Variants in NLGN2 observed in about 807,000 individuals in gnomAD.
NLGN2 encodes the protein neuroligin-2.
A neutral mutation model predicts 48.6 loss-of-function variants in NLGN2; 11 were observed. The observed-to-expected ratio is 0.23, with a 90% confidence interval of 0.14 to 0.37. The LOEUF (loss-of-function observed/expected upper bound fraction) is 0.37, where lower values mean the gene tolerates loss of function less well. Among genes scored for constraint, NLGN2 ranks in the 10% least tolerant of loss-of-function variants. The pLI is 1.00. For synonymous variants in NLGN2, 548 were observed against 550.0 expected (o/e 1.00, Z 0.05); for missense variants, 801 against 1,225.2 (o/e 0.65, Z 5.17).
At chr17:7,415,489 G>A (rs1264490027) in intron 5 of NLGN2, 22 bp from the exon 6 acceptor site, 3 of 1,609,832 alleles carry the variant, frequency 1.9e-6, no homozygotes, top group East Asian at 2.2e-5. Context: ...CAGGTGGTGA[G>A]ACCCTGACCC....
Position 7,418,770 on chromosome 17 carries a change from A to T in NLGN2, c.*971A>T, listed in dbSNP as rs1232380056. On this transcript the variant is annotated 3_prime_UTR_variant, in exon 7 of 7. Transcript: ENST00000302926. Reference sequence around the variant, plus strand: ...CCGAGTTGGGGGGAGGGGGTGTGGCAACGTGCCCCCCGCAGAGGCCACGCA... The same window carrying T: ...CCGAGTTGGGGGGAGGGGGTGTGGCTACGTGCCCCCCGCAGAGGCCACGCA... The T allele has an allele frequency of 6.6e-6, 1 of 152,446 alleles. No homozygotes were observed. The highest frequency in any genetic ancestry group is 1.5e-5 in the Non-Finnish European group (1 of 68,144). 9.4% of individuals were successfully genotyped at this position (152,446 alleles called of 1,614,324 possible). A position where few individuals can be genotyped will look rare whatever the true frequency, so the allele number is the denominator to read the frequency against.
chr17:7,405,840 C>A (rs1475443626), upstream of NLGN2, among the ~76,000 whole-genome samples: 1 of 152,198 alleles, frequency 6.6e-6, no homozygotes, highest in African/African-American at 2.4e-5. The surrounding 1 kb of genome is among the most constrained non-coding windows in gnomAD (Gnocchi z 6.8). Context: ...TCCCATCTCC[C>A]CCTCCCCCTC....
chr17:7,415,964 T>C lies in NLGN2; in HGVS notation c.1491T>C (p.Asp497=). The C allele has an allele frequency of 6.2e-7, 1 of 1,614,206 alleles. No individual in the cohort carries two copies. Among genetic ancestry groups the C allele is most frequent in the Non-Finnish European group, 8.5e-7 (1 of 1,180,046 alleles). ...CGGAGGGCCGGCCTGAGTGGGCAGA[T>C]GCGGCGCACGGGGATGAACTGCCCT... is the stretch of plus-strand genomic sequence containing the variant. ...CQAEGRPEWA[D]AAHGDELPYV... Residue 497 remains aspartate (D), a synonymous_variant, in exon 6 of 7, where the codon GAT becomes GAC. Transcript: ENST00000302926.
chr17:7,411,224 G>C lies in NLGN2; in HGVS notation c.458-933G>C, dbSNP rs74702014. ...TGTGGACTGAACCACCCGCTCGGCC[G>C]TTGGGGAAGGGGTGCTTTTTGGCAG... On this transcript the variant is annotated intron_variant, in intron 1 of 6. Coordinates refer to ENST00000302926, the MANE Select transcript of NLGN2 (RefSeq NM_020795.4). The surrounding 1 kb of genome is among the most constrained non-coding windows in gnomAD (Gnocchi z 4.5). Among the ~76,000 whole-genome samples the C allele has an allele frequency of 6.6e-6, 1 of 152,222 alleles. No individual in the cohort carries two copies. The highest frequency in any genetic ancestry group is 1.5e-5 in the Non-Finnish European group (1 of 68,042).
At chr17:7,405,429 T>A (rs1906592804), upstream of NLGN2, 2 of 151,918 alleles carry the variant, frequency 1.3e-5, no homozygotes, top group South Asian at 4.1e-4. The surrounding 1 kb of genome is among the most constrained non-coding windows in gnomAD (Gnocchi z 6.8). Flanking sequence ...GGGGATCGAC[T>A]GGATCCCGGC....
upstream of NLGN2, among the ~76,000 whole-genome samples, chr17:7,407,178 G>T (rs75715316): frequency 0.039 from 5,932 of 151,992 alleles, 186 homozygotes; most frequent in Admixed American, 0.11. Context: ...GCCCCTTCCC[G>T]TCTTCCTCCA....
Position 7,416,167 on chromosome 17 carries a change from C to A in NLGN2, c.1634+60C>A, listed in dbSNP as rs369236507. The A allele has an allele frequency of 1.1e-5, 15 of 1,385,234 alleles. No homozygotes were observed. The African/African-American group carries it at 1.8e-4, about 17-fold the overall frequency. The allele number at this position is 1,385,234 out of a possible 1,614,324, so 85.8% of individuals were successfully genotyped here. A position where few individuals can be genotyped will look rare whatever the true frequency, so the allele number is the denominator to read the frequency against. On this transcript the variant is annotated intron_variant, in intron 6 of 6. Transcript: ENST00000302926. ...GGCCCTCCCTCCTTCACATGGCCGCCGTTCCTCTGTTAAGGCACTCACTCT... is the reference window on the plus strand; with the variant it reads ...GGCCCTCCCTCCTTCACATGGCCGCAGTTCCTCTGTTAAGGCACTCACTCT...
At position 7,414,454 on chromosome 17, in the gene NLGN2, G is replaced by A. The variant is rs1257863870; in HGVS notation, c.619G>A (p.Val207Ile). Residue 207 changes from valine (V) to isoleucine (I), a missense_variant, in exon 3 of 7, where the codon GTC becomes ATC. Coordinates refer to ENST00000302926, the MANE Select transcript of NLGN2 (RefSeq NM_020795.4). The part of the protein sequence containing the change: ...DGSVLAAYGN[V>I]IVATLNYRLG... ...CTCAGTCCTGGCTGCCTATGGCAAC[G>A]TCATTGTAGCCACGCTCAACTACCG... 3 of 1,614,030 alleles carry A rather than the reference G, an allele frequency of 1.9e-6. No individual in the cohort carries two copies. Among genetic ancestry groups the A allele is most frequent in the African/African-American group, 1.3e-5 (1 of 74,912 alleles).
At position 7,408,002 on chromosome 17, in the gene NLGN2, C is replaced by A; in HGVS notation, c.-254C>A. 2.9e-6 allele frequency: 1 copy of A among 340,490 alleles called. No individual in the cohort carries two copies. Among genetic ancestry groups the A allele is most frequent in the Non-Finnish European group, 5.3e-6 (1 of 189,266 alleles). The allele number at this position is 340,490 out of a possible 1,614,324, so 21.1% of individuals were successfully genotyped here. ...CTGCCTCCCTGCCCCTCTCGCTCCA[C>A]CCCCCGCAGGTCGGGCCTGCCTTCA... is the stretch of plus-strand genomic sequence containing the variant. On this transcript the variant is annotated 5_prime_UTR_variant, in exon 1 of 7. Transcript: ENST00000302926. The surrounding 1 kb of genome is among the most constrained non-coding windows in gnomAD (Gnocchi z 7.5).
intron 1 of NLGN2, among the ~76,000 whole-genome samples, chr17:7,409,335 G>A (rs928474652): frequency 6.6e-6 from 1 of 152,032 alleles, no homozygotes; most frequent in Non-Finnish European, 1.5e-5. Context: ...CTTGCTGAGG[G>A]CCAGCACAGC....
Position 7,408,926 on chromosome 17 carries a change from A to G in NLGN2, c.457+214A>G, listed in dbSNP as rs1351441486. Among the ~76,000 whole-genome samples, 2 of 152,084 alleles carry G rather than the reference A, an allele frequency of 1.3e-5. No individual in the cohort carries two copies. On this transcript the variant is annotated intron_variant, in intron 1 of 6. Transcript: ENST00000302926. This position sits in a 1 kb window ranked among gnomAD's most constrained non-coding sequence, Gnocchi z 7.5. The stretch of plus-strand genomic sequence containing the variant: ...CACACACTCTGCAGACAGCCTCTCC[A>G]TAAGTTCTTTACGCCCATGGGGGGC...
chr17:7,415,562 C>T lies in NLGN2; in HGVS notation c.1089C>T (p.Asp363=). 1 of 1,614,252 alleles carries T rather than the reference C, an allele frequency of 6.2e-7. No individual in the cohort carries two copies. The highest frequency in any genetic ancestry group is 8.5e-7 in the Non-Finnish European group (1 of 1,180,032). Residue 363 remains aspartate (D), a synonymous_variant, in exon 6 of 7, where the codon GAC becomes GAT. Transcript: ENST00000302926. ...PVVDGDVVPD[D]PEILMQQGEF... is the part of the protein sequence containing the mutation. Reference sequence around the variant, plus strand: ...TGGATGGCGACGTGGTCCCCGATGACCCTGAGATCCTCATGCAGCAGGGAG... The same window carrying T: ...TGGATGGCGACGTGGTCCCCGATGATCCTGAGATCCTCATGCAGCAGGGAG...
Position 7,408,235 on chromosome 17 carries a change from A to AG in NLGN2, c.-14dup, listed in dbSNP as rs918766240. ...CGAGGGGGGGGGGTCCCAGGGAGGGAGGGGGGGTCCCCCGATCAGCATGTG... is the reference window on the plus strand; with the variant it reads ...CGAGGGGGGGGGGTCCCAGGGAGGGAGGGGGGGGTCCCCCGATCAGCATGTG... On this transcript the variant is annotated 5_prime_UTR_variant, in exon 1 of 7. Transcript: ENST00000302926. The surrounding 1 kb of genome is among the most constrained non-coding windows in gnomAD (Gnocchi z 7.5). 272 of 1,071,152 alleles carry AG rather than the reference A, an allele frequency of 2.5e-4. 1 individual carries two copies. Among genetic ancestry groups the AG allele is most frequent in the Middle Eastern group, 7.1e-4 (2 of 2,820 alleles). The allele number at this position is 1,071,152 out of a possible 1,614,324, so 66.4% of individuals were successfully genotyped here.
At position 7,417,917 on chromosome 17, in the gene NLGN2, C is replaced by A; in HGVS notation, c.*118C>A. On this transcript the variant is annotated 3_prime_UTR_variant, in exon 7 of 7. Transcript: ENST00000302926. ...GGAGTCGTCACACGCCATCCAGCAGCGCTAAGGTGGACATGGGATTCCTCC... is the reference window on the plus strand; with the variant it reads ...GGAGTCGTCACACGCCATCCAGCAGAGCTAAGGTGGACATGGGATTCCTCC... 1.1e-6 allele frequency: 1 copy of A among 931,454 alleles called. No individual in the cohort carries two copies. Among genetic ancestry groups the A allele is most frequent in the Non-Finnish European group, 1.4e-6 (1 of 702,376 alleles). 57.7% of individuals were successfully genotyped at this position (931,454 alleles called of 1,614,324 possible). A position where few individuals can be genotyped will look rare whatever the true frequency, so the allele number is the denominator to read the frequency against.
intron 6 of NLGN2, 85 bp downstream of exon 6, chr17:7,416,192 T>C (rs576008891): frequency 8.9e-7 from 1 of 1,120,912 alleles, no homozygotes; most frequent in Non-Finnish European, 1.3e-6. Context: ...GCACTCACTC[T>C]GGCCTGCCCT....
chr17:7,407,196 C>A (rs970026302), upstream of NLGN2, among the ~76,000 whole-genome samples: 2 of 152,208 alleles, frequency 1.3e-5, no homozygotes, highest in African/African-American at 2.4e-5. Flanking sequence ...CCAGAACCCC[C>A]CTCCAGGGTT....
rs961469382 is a variant in NLGN2 at position 7,413,796 on chromosome 17, C to T, written c.509-548C>T. ...GAGGTGACCTAGAAAGGAATTAGGG[C>T]GGGGAGGAGACCAAGCCCCAGGGAC... On this transcript the variant is annotated intron_variant, in intron 2 of 6. Coordinates refer to ENST00000302926, the MANE Select transcript of NLGN2 (RefSeq NM_020795.4). The surrounding 1 kb of genome is among the most constrained non-coding windows in gnomAD (Gnocchi z 4.9). 7.2e-5 allele frequency among the ~76,000 whole-genome samples: 11 copies of T among 151,970 alleles called. No homozygotes were observed. The highest frequency in any genetic ancestry group is 1.3e-4 in the Admixed American group (2 of 15,270).
In NLGN2 at chr17:7,408,310, G is replaced by A. The variant is rs1906734183; in HGVS notation, c.55G>A (p.Gly19Arg). 1 of 1,374,206 alleles carries A rather than the reference G, an allele frequency of 7.3e-7. No individual in the cohort carries two copies. Among genetic ancestry groups the A allele is most frequent in the South Asian group, 1.7e-5 (1 of 57,572 alleles). The allele number at this position is 1,374,206 out of a possible 1,614,324, so 85.1% of individuals were successfully genotyped here. ...VGLAGAQRGG[G>R]GPGGGAPGGP... ...GCTGGCGGGGGCTCAACGCGGGGGAGGGGGTCCCGGCGGCGGCGCCCCGGG... is the reference window on the plus strand; with the variant it reads ...GCTGGCGGGGGCTCAACGCGGGGGAAGGGGTCCCGGCGGCGGCGCCCCGGG... Residue 19 changes from glycine (G) to arginine (R), a missense_variant, in exon 1 of 7, where the codon GGG (glycine) becomes AGG (arginine). By Grantham distance (125) the Gly-to-Arg change is moderately radical. Coordinates refer to ENST00000302926, the MANE Select transcript of NLGN2 (RefSeq NM_020795.4). The surrounding 1 kb of genome is among the most constrained non-coding windows in gnomAD (Gnocchi z 7.5).
chr17:7,406,653 C>CT (rs375414198), upstream of NLGN2, among the ~76,000 whole-genome samples: 1 of 90,164 alleles, frequency 1.1e-5, no homozygotes, highest in East Asian at 3.5e-4. Context: ...GGTGGGGGGG[C>CT]GGGGGGGGGG....
Sources: allele counts gnomAD v4.1 joint callset (sites outside exome capture counted in the v4.1 genomes callset), GRCh38; gene constraint gnomAD v4.1.1; non-coding constraint Gnocchi (gnomAD v3.1); transcripts MANE v1.5; gene names NCBI Gene and HGNC (gene_info 2026-07-23, HGNC 2026-07-21).